The following UGT8 variants were observed in gnomAD, a reference collection of about 807,000 sequenced individuals.
UGT8 encodes the protein UDP glycosyltransferase 8, also known as 2-hydroxyacylsphingosine 1-beta-galactosyltransferase.
Under a neutral mutation model 40.5 loss-of-function variants are expected in UGT8, and 12 were observed. The ratio of observed to expected loss-of-function variants is 0.30; its 90% CI spans 0.19 to 0.48. The LOEUF is 0.48. UGT8 is among the 20% of genes least tolerant of loss of function. The pLI is 0.99. For synonymous variants in UGT8, 224 were observed against 240.4 expected (o/e 0.93, Z 0.63); for missense variants, 513 against 648.7 (o/e 0.79, Z 2.27).
In UGT8 at chr4:114,677,938, T is replaced by C. The variant is rs1735751670; in HGVS notation, c.*1650T>C. On this transcript the variant is annotated 3_prime_UTR_variant, in exon 6 of 6. Coordinates refer to ENST00000310836, the MANE Select transcript of UGT8 (RefSeq NM_001128174.3). ...TCACAAGTAGTTTTCTAATGTACAA[T>C]GCAGACAAATGTACTGCTCTCTGAA... 6.6e-6 allele frequency: 1 copy of C among 152,214 alleles called. No individual in the cohort carries two copies. Among genetic ancestry groups the C allele is most frequent in the African/African-American group, 2.4e-5 (1 of 41,460 alleles). The allele number at this position is 152,214 out of a possible 1,614,324, so 9.4% of individuals were successfully genotyped here.
At chr4:114,639,616 C>T (rs1733089138) in intron 2 of UGT8, among the ~76,000 whole-genome samples, 1 of 152,120 alleles carries the variant, frequency 6.6e-6, no homozygotes, top group East Asian at 1.9e-4. Context: ...TTTGAGATGA[C>T]CTAAGGAGGT....
intron 2 of UGT8, among the ~76,000 whole-genome samples, chr4:114,628,178 C>T (rs1412524593): frequency 6.6e-6 from 1 of 151,936 alleles, no homozygotes; most frequent in Non-Finnish European, 1.5e-5. Flanking sequence ...CTCACTCTGT[C>T]ACCCAGGCTG....
chr4:114,638,126 A>G (rs928934495), intron 2 of UGT8, among the ~76,000 whole-genome samples: 1 of 152,222 alleles, frequency 6.6e-6, no homozygotes, highest in Admixed American at 6.5e-5. Flanking sequence ...TATCATTATG[A>G]TCAGACCGGA....
intron 1 of UGT8, 23 bp downstream of exon 1, chr4:114,598,997 T>G (rs1476296819): frequency 6.7e-6 from 1 of 149,574 alleles, no homozygotes; most frequent in East Asian, 2.0e-4. Context: ...ACCACGCCGT[T>G]CCAGAGGGCG....
chr4:114,621,925 T>C (rs1443490705), intron 1 of UGT8, among the ~76,000 whole-genome samples: 1 of 152,116 alleles, frequency 6.6e-6, no homozygotes, highest in African/African-American at 2.4e-5. Context: ...TTTTTTTGTA[T>C]GTTAGTGTAT....
At chr4:114,610,410 C>G (rs1463043610) in intron 1 of UGT8, among the ~76,000 whole-genome samples, 1 of 152,040 alleles carries the variant, frequency 6.6e-6, no homozygotes, top group Non-Finnish European at 1.5e-5. Flanking sequence ...ATATATTTAT[C>G]TTATTTTCAC....
intron 2 of UGT8, chr4:114,656,934 G>T (rs1375977699): frequency 2.3e-6 from 1 of 436,392 alleles, no homozygotes; most frequent in Non-Finnish European, 4.6e-6. Flanking sequence ...TATGTCCCAA[G>T]TGTCAGATAT....
intron 1 of UGT8, among the ~76,000 whole-genome samples, chr4:114,616,342 T>C (rs1731431268): frequency 6.6e-6 from 1 of 152,136 alleles, no homozygotes; most frequent in African/African-American, 2.4e-5. Context: ...TGCAGTTTGA[T>C]CTCAGACTGC....
chr4:114,601,071 A>G (rs1001965046), intron 1 of UGT8, among the ~76,000 whole-genome samples: 7 of 152,194 alleles, frequency 4.6e-5, no homozygotes, highest in African/African-American at 1.4e-4. Context: ...TTTTCCAGGT[A>G]ATACTACTAT....
chr4:114,648,865 C>A (rs1379692520), intron 2 of UGT8, among the ~76,000 whole-genome samples: 2 of 152,020 alleles, frequency 1.3e-5, no homozygotes, highest in Admixed American at 1.3e-4. Flanking sequence ...TAACTTTATC[C>A]TTCTGAGGAA....
At chr4:114,608,999 C>G (rs1302659554) in intron 1 of UGT8, among the ~76,000 whole-genome samples, 2 of 152,170 alleles carry the variant, frequency 1.3e-5, no homozygotes, top group Admixed American at 1.3e-4. Context: ...CTATTTCCTC[C>G]TTTGATAATT....
At chr4:114,623,770 A>T in intron 2 of UGT8, 68 bp downstream of exon 2, 3 of 1,493,294 alleles carry the variant, frequency 2.0e-6, no homozygotes, top group Non-Finnish European at 2.7e-6. Flanking sequence ...TTTGGAAGAG[A>T]TATGATTTGT....
intron 1 of UGT8, among the ~76,000 whole-genome samples, chr4:114,609,683 T>G (rs1400710395): frequency 1.3e-5 from 2 of 152,136 alleles, no homozygotes; most frequent in African/African-American, 4.8e-5. Context: ...GATTTGGTTG[T>G]TTGTCCAGCC....
chr4:114,604,301 A>G (rs1209403892), intron 1 of UGT8, among the ~76,000 whole-genome samples: 2 of 152,172 alleles, frequency 1.3e-5, no homozygotes, highest in Non-Finnish European at 2.9e-5. Flanking sequence ...AACTCAGAAA[A>G]CAATACAGAT....
chr4:114,620,288 C>T (rs1731705315), intron 1 of UGT8, among the ~76,000 whole-genome samples: 2 of 152,174 alleles, frequency 1.3e-5, no homozygotes, highest in African/African-American at 2.4e-5. Context: ...TCATCAAGTA[C>T]TCACCTCTCG....
chr4:114,630,601 G>A (rs912278126), intron 2 of UGT8, among the ~76,000 whole-genome samples: 1 of 151,826 alleles, frequency 6.6e-6, no homozygotes, highest in Non-Finnish European at 1.5e-5. Context: ...CTCTTCATTC[G>A]GGCTGTTGAC....
rs1027681211 is a variant in UGT8 at position 114,623,119 on chromosome 4, C to T, written c.239C>T (p.Thr80Ile). ...LQRYPGIFNS[T>I]TSDAFLQSKM... Reference sequence around the variant, plus strand: ...CGCTACCCAGGGATCTTTAACAGTACCACCTCAGATGCTTTCCTACAGTCC... The same window carrying T: ...CGCTACCCAGGGATCTTTAACAGTATCACCTCAGATGCTTTCCTACAGTCC... Residue 80 changes from threonine to isoleucine, a missense_variant, in exon 2 of 6, where the codon ACC (threonine) becomes ATC (isoleucine). By Grantham distance (89) the Thr-to-Ile change is moderately conservative. Transcript: ENST00000310836. The T allele has an allele frequency of 8.7e-6, 14 of 1,614,002 alleles. No individual in the cohort carries two copies. Among genetic ancestry groups the T allele is most frequent in the Non-Finnish European group, 1.1e-5 (13 of 1,180,016 alleles).
intron 2 of UGT8, among the ~76,000 whole-genome samples, chr4:114,655,692 G>A (rs1482407687): frequency 2.0e-5 from 3 of 151,824 alleles, no homozygotes; most frequent in Non-Finnish European, 4.4e-5. Flanking sequence ...TATATATTTT[G>A]TGCACATGAG....
intron 1 of UGT8, chr4:114,622,627 A>T (rs1056773042): frequency 2.9e-6 from 1 of 342,314 alleles, no homozygotes; most frequent in Non-Finnish European, 5.4e-6. Context: ...AATGATTGCC[A>T]TTCTAACTGG....
Sources: gnomAD v4.1 joint callset for allele counts (sites outside exome capture counted in the v4.1 genomes callset) on GRCh38, gnomAD v4.1.1 for gene constraint, MANE v1.5 for transcripts, NCBI Gene and HGNC (gene_info 2026-07-23, HGNC 2026-07-21) for gene names.